The following ZNF821 variants were observed in gnomAD, a reference collection of about 807,000 sequenced individuals.
ZNF821 encodes the protein zinc finger protein 821.
ZNF821 carries 16 observed loss-of-function variants against 44.3 expected under a neutral mutation model. The ratio of observed to expected loss-of-function variants is 0.36; its 90% CI spans 0.24 to 0.55. The LOEUF is 0.55. Among genes scored for constraint, ZNF821 ranks in the 20% least tolerant of loss-of-function variants. The pLI is 0.86. For missense variants in ZNF821, 436 were observed against 547.6 expected (o/e 0.80, Z 2.03); for synonymous variants, 204 against 197.6 (o/e 1.03, Z -0.27).
upstream of ZNF821, among the ~76,000 whole-genome samples, chr16:71,885,010 AC>A (rs927319172): frequency 2.6e-5 from 4 of 152,220 alleles, no homozygotes; most frequent in African/African-American, 9.6e-5. Flanking sequence ...GGCGTGCACC[AC>A]CACGCCCAGC....
chr16:71,886,160 T>C (rs13330881), upstream of ZNF821, among the ~76,000 whole-genome samples: 7,122 of 152,316 alleles, frequency 0.047, 537 homozygotes, highest in African/African-American at 0.16. Flanking sequence ...GCTATTCTTA[T>C]GACTTCCCTG....
intron 1 of ZNF821, 31 bp from the exon 2 acceptor site, chr16:71,883,304 T>C: frequency 2.3e-6 from 1 of 428,204 alleles, no homozygotes; most frequent in Non-Finnish European, 4.7e-6. Context: ...AGAAAGCTGG[T>C]CACTTAGCCG....
intron 1 of ZNF821, among the ~76,000 whole-genome samples, chr16:71,893,029 C>CGTTTTTTTTTTTTT (rs2036898813): frequency 1.5e-5 from 1 of 65,908 alleles, no homozygotes; most frequent in Non-Finnish European, 2.6e-5. Flanking sequence ...CCCTGCCTGG[C>CGTTTTTTTTTTTTT]TTTTTTTTTT....
intron 1 of ZNF821, among the ~76,000 whole-genome samples, chr16:71,893,421 C>G (rs1035130336): frequency 7.2e-4 from 110 of 151,894 alleles, no homozygotes; most frequent in Non-Finnish European, 1.3e-3. Flanking sequence ...CTCAGCCTCC[C>G]AAAGTGCTAG....
chr16:71,874,295 A>G (rs1048781085), intron 3 of ZNF821, among the ~76,000 whole-genome samples: 5 of 152,058 alleles, frequency 3.3e-5, no homozygotes, highest in African/African-American at 1.2e-4. Context: ...TAGGTGGCCT[A>G]TTAGTTTCAT....
At chr16:71,890,943 T>C (rs775900639) in intron 1 of ZNF821, among the ~76,000 whole-genome samples, 5 of 151,684 alleles carry the variant, frequency 3.3e-5, no homozygotes, top group Admixed American at 6.6e-5. Context: ...GCTAATTTTT[T>C]TTTGTATTTT....
At chr16:71,864,741 G>C in intron 5 of ZNF821, 162 bp downstream of exon 5, 1 of 796,800 alleles carries the variant, frequency 1.3e-6, no homozygotes, top group Non-Finnish European at 2.0e-6. Context: ...GGCGAGAACT[G>C]AGAGTCTGAG....
At chr16:71,872,276 T>G (rs17285421) in intron 3 of ZNF821, among the ~76,000 whole-genome samples, 2,339 of 152,196 alleles carry the variant, frequency 0.015, 20 homozygotes, top group Non-Finnish European at 0.021. Flanking sequence ...CAAATGTAAT[T>G]TCAAGCTGAC....
upstream of ZNF821, among the ~76,000 whole-genome samples, chr16:71,887,918 G>C (rs2142499838): frequency 6.7e-6 from 1 of 149,172 alleles, no homozygotes; most frequent in East Asian, 2.0e-4. Context: ...GTGCAGCACA[G>C]TGGTATGATC....
At chr16:71,893,887 C>T (rs898230807) in intron 1 of ZNF821, 1 of 152,312 alleles carries the variant, frequency 6.6e-6, no homozygotes, top group Non-Finnish European at 1.5e-5. Context: ...CTGCCTCAGC[C>T]TCCGGAGTAG....
upstream of ZNF821, among the ~76,000 whole-genome samples, chr16:71,886,352 T>C (rs1226444162): frequency 6.6e-6 from 1 of 152,236 alleles, no homozygotes; most frequent in Non-Finnish European, 1.5e-5. Flanking sequence ...TTGGGCCACA[T>C]AGTGAAACCC....
intron 6 of ZNF821, 44 bp from the exon 7 acceptor site, chr16:71,861,986 G>A (rs1378390629): frequency 6.2e-7 from 1 of 1,600,884 alleles, no homozygotes; most frequent in South Asian, 1.1e-5. Flanking sequence ...GCTACCTCCA[G>A]GACAATCTGC....
intron 6 of ZNF821, among the ~76,000 whole-genome samples, chr16:71,862,900 A>AT (rs879756266): frequency 1.7e-4 from 25 of 147,380 alleles, no homozygotes; most frequent in African/African-American, 2.2e-4. Flanking sequence ...GTGTTAACTA[A>AT]TTTTTTTTTT....
At chr16:71,882,268 CA>C (rs200824320) in intron 2 of ZNF821, 54,284 of 103,280 alleles carry the variant, frequency 0.53, 10,601 homozygotes, top group East Asian at 0.86. Flanking sequence ...GACTCCGTCT[CA>C]AAAAAAAAAA....
upstream of ZNF821, among the ~76,000 whole-genome samples, chr16:71,888,498 A>G (rs1427968152): frequency 6.6e-6 from 1 of 152,102 alleles, no homozygotes; most frequent in Non-Finnish European, 1.5e-5. Flanking sequence ...GCAGTTATCC[A>G]GTTTTCTTAG....
chr16:71,877,275 G>A (rs2035925243), intron 3 of ZNF821, among the ~76,000 whole-genome samples: 1 of 151,892 alleles, frequency 6.6e-6, no homozygotes, highest in African/African-American at 2.4e-5. Context: ...TTGTTTGTTT[G>A]TTTGAGACGG....
chr16:71,872,672 A>C (rs1015776559), intron 3 of ZNF821, among the ~76,000 whole-genome samples: 7 of 152,202 alleles, frequency 4.6e-5, no homozygotes, highest in African/African-American at 1.7e-4. Context: ...TAGTATTGGG[A>C]GTGAGGAGCT....
chr16:71,867,797 A>G (rs748067303), intron 4 of ZNF821, 115 bp downstream of exon 4: 36 of 1,381,864 alleles, frequency 2.6e-5, no homozygotes, highest in Non-Finnish European at 2.9e-5. Context: ...GAGGATCCAC[A>G]TATCTCCTTT....
At position 71,893,029 on chromosome 16, in the gene ZNF821, C is replaced by CTTTTTTTTTTTTTTTTTTT. The variant is rs1199482590; in HGVS notation, n.448+1859_448+1860insAAAAAAAAAAAAAAAAAAA. On this transcript the variant is annotated intron_variant and non_coding_transcript_variant, in intron 1 of 2. Coordinates refer to the ZNF821 transcript ENST00000561700. ...TACAGGCATGAGCCACCCTGCCTGG[C>CTTTTTTTTTTTTTTTTTTT]TTTTTTTTTTTTTTTTTTGAGATAT... Among the ~76,000 whole-genome samples, 4 of 65,916 alleles carry CTTTTTTTTTTTTTTTTTTT rather than the reference C, an allele frequency of 6.1e-5. 1 individual carries two copies. Among genetic ancestry groups the CTTTTTTTTTTTTTTTTTTT allele is most frequent in the African/African-American group, 1.2e-4 (2 of 16,032 alleles). 43.2% of individuals were successfully genotyped at this position (65,916 alleles called of 152,430 possible).
Sources: gnomAD v4.1 joint callset for allele counts (sites outside exome capture counted in the v4.1 genomes callset) on GRCh38, gnomAD v4.1.1 for gene constraint, MANE v1.5 for transcripts, NCBI Gene and HGNC (gene_info 2026-07-23, HGNC 2026-07-21) for gene names.